TMEM161B: variants seen among roughly 807,000 people sequenced by gnomAD.
TMEM161B encodes the protein transmembrane protein 161B.
A neutral mutation model predicts 61.8 loss-of-function variants in TMEM161B; 34 were observed. That is an observed-to-expected ratio of 0.55 (90% CI 0.42 to 0.73). TMEM161B has a LOEUF of 0.73. Ranked by LOEUF, TMEM161B falls within the 30% of genes least tolerant of loss-of-function variation. The probability of loss-of-function intolerance (pLI) is 0.00; values close to 1 mark genes in which losing one functional copy is unlikely to be tolerated. For synonymous variants in TMEM161B, 167 were observed against 192.8 expected, an observed-to-expected ratio of 0.87 and a Z score of 1.11; for missense variants, 456 against 558.5, an observed-to-expected ratio of 0.82 and a Z score of 1.85.
At position 88,198,975 on chromosome 5, in the gene TMEM161B, C is replaced by A; in HGVS notation, c.1089+1G>T. On this transcript the variant is annotated splice_donor_variant, in intron 10 of 11. Coordinates refer to ENST00000296595, the MANE Select transcript of TMEM161B (RefSeq NM_153354.5). LOFTEE classifies it high-confidence loss of function. ...CATTTTGACTAGGGTATAAAACTTA[C>A]CATTTTCTGTAGCTCAACCGTGCTT... is the stretch of plus-strand genomic sequence containing the variant. 1.2e-6 allele frequency: 2 copies of A among 1,608,740 alleles called. No individual in the cohort carries two copies. Among genetic ancestry groups the A allele is most frequent in the Non-Finnish European group, 1.7e-6 (2 of 1,177,680 alleles).
intron 1 of TMEM161B, among the ~76,000 whole-genome samples, chr5:88,256,455 C>A (rs1260924455): frequency 6.6e-6 from 1 of 152,152 alleles, no homozygotes; most frequent in Non-Finnish European, 1.5e-5. Context: ...GGTATGTATT[C>A]AAAGAAGTCA....
chr5:88,220,723 G>C lies in TMEM161B; in HGVS notation c.290-4C>G. 2.6e-5 allele frequency: 7 copies of C among 267,126 alleles called. No homozygotes were observed. Among genetic ancestry groups the C allele is most frequent in the African/African-American group, 1.3e-4 (1 of 7,504 alleles). 16.5% of individuals were successfully genotyped at this position (267,126 alleles called of 1,614,324 possible). ...TATTCTGGAAAGTAATGCAATGCTGGAAAGAAAAAAAAAAAAAAAAAAAAA... is the reference window on the plus strand; with the variant it reads ...TATTCTGGAAAGTAATGCAATGCTGCAAAGAAAAAAAAAAAAAAAAAAAAA... On this transcript the variant is annotated splice_polypyrimidine_tract_variant and splice_region_variant and intron_variant, in intron 4 of 11. Coordinates refer to ENST00000296595, the MANE Select transcript of TMEM161B (RefSeq NM_153354.5).
intron 1 of TMEM161B, among the ~76,000 whole-genome samples, chr5:88,243,991 C>A (rs1259791807): frequency 6.6e-6 from 1 of 151,790 alleles, no homozygotes; most frequent in African/African-American, 2.4e-5. Flanking sequence ...CTGGTTTTTG[C>A]TTGTAAATTT....
At chr5:88,243,384 T>A (rs1176449001) in intron 1 of TMEM161B, among the ~76,000 whole-genome samples, 2 of 151,920 alleles carry the variant, frequency 1.3e-5, no homozygotes, top group Non-Finnish European at 2.9e-5. Flanking sequence ...GATAAAGGCC[T>A]CAAACTCCAT....
intron 1 of TMEM161B, among the ~76,000 whole-genome samples, chr5:88,254,279 G>T (rs928091007): frequency 2.0e-5 from 3 of 152,096 alleles, no homozygotes; most frequent in Admixed American, 1.3e-4. Context: ...CTAGGTCAAC[G>T]TTCTAGATGT....
intron 5 of TMEM161B, among the ~76,000 whole-genome samples, chr5:88,214,453 A>G (rs558703165): frequency 8.1e-5 from 12 of 147,712 alleles, no homozygotes; most frequent in South Asian, 4.3e-4. Flanking sequence ...GATTCTTGGG[A>G]AAAAAAAAAA....
Position 88,261,730 on chromosome 5 carries a change from CAAAAAAAAAAA to C in TMEM161B, c.3+6980_3+6990del, listed in dbSNP as rs70996464. On this transcript the variant is annotated intron_variant, in intron 1 of 11. Transcript: ENST00000296595. ...ACTGAAACAACTAGACATTCATGTGCAAAAAAAAAAAAAAAAAAAAAGACTCTAGACACACA... is the reference window on the plus strand; with the variant it reads ...ACTGAAACAACTAGACATTCATGTGCAAAAAAAAAAGACTCTAGACACACA... Among the ~76,000 whole-genome samples the C allele has an allele frequency of 1.0e-4, 5 of 49,306 alleles. No homozygotes were observed. The South Asian group carries it at 4.0e-3, about 39-fold the overall frequency. 32.3% of individuals were successfully genotyped at this position (49,306 alleles called of 152,430 possible).
downstream of TMEM161B, among the ~76,000 whole-genome samples, chr5:88,186,391 C>T (rs542101008): frequency 6.6e-6 from 1 of 152,140 alleles, no homozygotes; most frequent in Admixed American, 6.5e-5. Flanking sequence ...AAAACAATAC[C>T]AAGGATCATC....
intron 10 of TMEM161B, chr5:88,198,735 C>A: frequency 2.7e-6 from 1 of 374,366 alleles, no homozygotes; most frequent in Non-Finnish European, 4.8e-6. Flanking sequence ...AGGCATAAAA[C>A]AGCTTTGTAC....
intron 1 of TMEM161B, among the ~76,000 whole-genome samples, chr5:88,251,548 C>T (rs1375182759): frequency 6.6e-6 from 1 of 152,050 alleles, no homozygotes; most frequent in Non-Finnish European, 1.5e-5. Context: ...TAAATGCCTC[C>T]CAAGGTTAGC....
intron 1 of TMEM161B, among the ~76,000 whole-genome samples, chr5:88,244,272 T>C (rs939092645): frequency 1.3e-5 from 2 of 151,870 alleles, no homozygotes; most frequent in Non-Finnish European, 2.9e-5. Flanking sequence ...TTTTTGATTT[T>C]AGGTTTAAGT....
At chr5:88,253,547 A>C (rs1274065467) in intron 1 of TMEM161B, among the ~76,000 whole-genome samples, 1 of 152,206 alleles carries the variant, frequency 6.6e-6, no homozygotes, top group African/African-American at 2.4e-5. Context: ...CACAATCCAG[A>C]AATAATGTGA....
chr5:88,212,358 A>G (rs952699049), intron 5 of TMEM161B, among the ~76,000 whole-genome samples: 5 of 152,226 alleles, frequency 3.3e-5, no homozygotes, highest in South Asian at 2.1e-4. Flanking sequence ...TCTAATAGGA[A>G]AGAAAAGTCA....
chr5:88,228,441 T>C lies in TMEM161B; in HGVS notation c.191+4A>G, dbSNP rs1750421250. On this transcript the variant is annotated splice_donor_region_variant and intron_variant, in intron 3 of 11. Coordinates refer to ENST00000296595, the MANE Select transcript of TMEM161B (RefSeq NM_153354.5). ...TATTACTTTACAAGCTCAATAAAACTTACCTATCTTTTTTGGTTTTCCCTT... is the reference window on the plus strand; with the variant it reads ...TATTACTTTACAAGCTCAATAAAACCTACCTATCTTTTTTGGTTTTCCCTT... 6.3e-7 allele frequency: 1 copy of C among 1,590,306 alleles called. No individual in the cohort carries two copies. The highest frequency in any genetic ancestry group is 8.6e-7 in the Non-Finnish European group (1 of 1,165,118).
downstream of TMEM161B, chr5:88,190,237 C>T (rs115174813): frequency 3.6e-3 from 2,510 of 700,882 alleles, 37 homozygotes; most frequent in African/African-American, 0.039. Flanking sequence ...CCGGGTGGAA[C>T]GGCTGGACCT....
At chr5:88,252,027 G>A (rs538257864) in intron 1 of TMEM161B, among the ~76,000 whole-genome samples, 17 of 152,132 alleles carry the variant, frequency 1.1e-4, no homozygotes, top group African/African-American at 3.4e-4. Context: ...AACATATTAC[G>A]TAACAATAAA....
intron 1 of TMEM161B, among the ~76,000 whole-genome samples, chr5:88,267,769 G>A (rs558418661): frequency 2.0e-5 from 3 of 152,186 alleles, no homozygotes; most frequent in African/African-American, 7.2e-5. Context: ...CCTATAACAA[G>A]GCCATAACTA....
At chr5:88,225,129 G>A (rs1049695911) in intron 4 of TMEM161B, among the ~76,000 whole-genome samples, 1 of 151,746 alleles carries the variant, frequency 6.6e-6, no homozygotes, top group Admixed American at 6.6e-5. Context: ...CACCACGCCT[G>A]GCTAATTTTT....
At chr5:88,241,612 T>C (rs1314387235) in intron 1 of TMEM161B, among the ~76,000 whole-genome samples, 1 of 151,956 alleles carries the variant, frequency 6.6e-6, no homozygotes, top group East Asian at 1.9e-4. Context: ...CGAAGTGTGA[T>C]GGCAGAACTG....
Sources: gnomAD v4.1 joint callset for allele counts (sites outside exome capture counted in the v4.1 genomes callset) on GRCh38, gnomAD v4.1.1 for gene constraint, MANE v1.5 for transcripts, NCBI Gene and HGNC (gene_info 2026-07-23, HGNC 2026-07-21) for gene names.